The following ELAC2 variants were observed in gnomAD, a reference collection of about 807,000 sequenced individuals.
The protein encoded by ELAC2 is zinc phosphodiesterase ELAC protein 2.
Under a neutral mutation model 105.2 loss-of-function variants are expected in ELAC2, and 92 were observed. The ratio of observed to expected loss-of-function variants is 0.87; its 90% CI spans 0.74 to 1.04. The LOEUF (loss-of-function observed/expected upper bound fraction) is 1.04, where lower values mean the gene tolerates loss of function less well. ELAC2 is among the 50% of genes least tolerant of loss of function. ELAC2 has a pLI of 0.00. For synonymous variants in ELAC2, 468 were observed against 409.1 expected, an observed-to-expected ratio of 1.14 and a Z score of -1.74; for missense variants, 1,099 against 1,071.7, an observed-to-expected ratio of 1.03 and a Z score of -0.36.
chr17:12,999,916 C>T (rs995836644), intron 15 of ELAC2, among the ~76,000 whole-genome samples: 1 of 152,228 alleles, frequency 6.6e-6, no homozygotes, highest in Non-Finnish European at 1.5e-5. Flanking sequence ...CTCGGCCTCC[C>T]GAAGTGCTGG....
chr17:13,011,660 T>C lies in ELAC2; in HGVS notation c.679+3A>G. ...TGCTGCTCTGTTTTGTTTATACTAT[T>C]ACCATGTGGAAGGTGTGGCTCATTT... On this transcript the variant is annotated splice_donor_region_variant and intron_variant, in intron 7 of 23. Transcript: ENST00000338034. 6.2e-7 allele frequency: 1 copy of C among 1,614,214 alleles called. No individual in the cohort carries two copies. Among genetic ancestry groups the C allele is most frequent in the Non-Finnish European group, 8.5e-7 (1 of 1,180,036 alleles).
In ELAC2 at chr17:13,000,256, G is replaced by T; in HGVS notation, c.1323C>A (p.Cys441Ter). 1 of 1,614,080 alleles carries T rather than the reference G, an allele frequency of 6.2e-7. No individual in the cohort carries two copies. The highest frequency in any genetic ancestry group is 8.5e-7 in the Non-Finnish European group (1 of 1,180,022). ...REWQRDAIIT[C>*]NPEEFIVEAL... ...CCTCAACTATGAATTCCTCAGGATT[G>T]CAAGTAATAATGGCATCCCTGCAGG... The change falls in exon 15 of 24, where the codon TGC (cysteine) becomes TGA (stop). Residue 441 changes from cysteine (C) to a stop codon, truncating the protein, a stop_gained. Transcript: ENST00000338034. LOFTEE classifies it high-confidence loss of function.
intron 14 of ELAC2, 179 bp from the exon 15 acceptor site, chr17:13,000,453 T>G: frequency 1.5e-6 from 1 of 660,870 alleles, no homozygotes; most frequent in Non-Finnish European, 2.7e-6. Context: ...TTTTGGATGC[T>G]GCATCGCTCT....
At chr17:13,015,872 A>G in intron 3 of ELAC2, 40 bp from the exon 4 acceptor site, 2 of 1,507,384 alleles carry the variant, frequency 1.3e-6, no homozygotes, top group Non-Finnish European at 9.2e-7. Flanking sequence ...CATCAATTTG[A>G]CCTGTCGTCA....
At chr17:13,005,127 C>A (rs767882814) in intron 10 of ELAC2, 26 bp from the exon 11 acceptor site, 5 of 1,532,972 alleles carry the variant, frequency 3.3e-6, no homozygotes, top group Non-Finnish European at 4.5e-6. Flanking sequence ...AGCCCGCCCA[C>A]TGGGGGTCAC....
intron 19 of ELAC2, 53 bp downstream of exon 19, chr17:12,995,647 TGAA>T (rs2040430365): frequency 1.2e-5 from 19 of 1,530,870 alleles, no homozygotes; most frequent in African/African-American, 2.7e-5. Flanking sequence ...CTTGAGCTTC[TGAA>T]GGAGACGGCA....
chr17:13,011,689 T>C lies in ELAC2; in HGVS notation c.653A>G (p.Asn218Ser), dbSNP rs1056024978. ...ATGTGGAAGGTGTGGCTCATTTTCA[T>C]TCGACTCGGAGTCTGAAGATCGCTC... ...SPERSSDSES[N>S]ENEPHLPHGV... Residue 218 changes from asparagine to serine, a missense_variant, in exon 7 of 24, where the codon AAT (asparagine) becomes AGT (serine). Transcript: ENST00000338034. The C allele has an allele frequency of 6.2e-7, 1 of 1,614,188 alleles. No individual in the cohort carries two copies. Among genetic ancestry groups the C allele is most frequent in the Non-Finnish European group, 8.5e-7 (1 of 1,180,030 alleles).
rs1320446307 is a variant in ELAC2 at position 13,013,212 on chromosome 17, A to T, written c.554T>A (p.Ile185Lys). 6.2e-7 allele frequency: 1 copy of T among 1,614,174 alleles called. No homozygotes were observed. The highest frequency in any genetic ancestry group is 8.5e-7 in the Non-Finnish European group (1 of 1,180,026). ...AACCTGGCTTTCATACTCACTGTGT[A>T]TGGGGATCTGGTAAACTGTCATGGT... ...DETMTVYQIP[I>K]HSEQRRGKHQ... is the part of the protein sequence containing the mutation. Residue 185 changes from isoleucine to lysine, a missense_variant, in exon 6 of 24, where the codon ATA becomes AAA. By Grantham distance (102) the Ile-to-Lys change is moderately radical. Coordinates refer to ENST00000338034, the MANE Select transcript of ELAC2 (RefSeq NM_018127.7).
intron 8 of ELAC2, among the ~76,000 whole-genome samples, chr17:13,009,608 T>C (rs1275827539): frequency 6.6e-6 from 1 of 152,232 alleles, no homozygotes; most frequent in Admixed American, 6.5e-5. Flanking sequence ...TAAAAGACTT[T>C]GAATAAAGGC....
At chr17:12,996,038 G>A (rs2040452020) in intron 17 of ELAC2, 60 bp from the exon 18 acceptor site, 1 of 1,541,688 alleles carries the variant, frequency 6.5e-7, no homozygotes, top group Non-Finnish European at 8.8e-7. Flanking sequence ...CTCCGGGTTA[G>A]GGTCTGCAGC....
chr17:13,000,213 A>G lies in ELAC2; in HGVS notation c.1366T>C (p.Phe456Leu). The change falls in exon 15 of 24, where the codon TTC becomes CTC. Residue 456 changes from phenylalanine (F) to leucine (L), a missense_variant. Phe to Leu is a conservative substitution (Grantham distance 22). Coordinates refer to ENST00000338034, the MANE Select transcript of ELAC2 (RefSeq NM_018127.7). ...FIVEALQLPN[F>L]QQSVQEYRRS... ...CTGTACTCCTGCACGCTCTGCTGGA[A>G]GTTGGGAAGCTGCAGCGCCTCAACT... The G allele has an allele frequency of 6.2e-7, 1 of 1,614,126 alleles. No individual in the cohort carries two copies. Among genetic ancestry groups the G allele is most frequent in the Middle Eastern group, 1.7e-4 (1 of 6,016 alleles).
At chr17:13,008,383 G>A (rs1205840170) in intron 8 of ELAC2, among the ~76,000 whole-genome samples, 1 of 151,754 alleles carries the variant, frequency 6.6e-6, no homozygotes, top group Non-Finnish European at 1.5e-5. Context: ...ATGGTGGTGC[G>A]CTCCTGTAGT....
rs1459316797 is a variant in ELAC2 at position 12,991,717 on chromosome 17, GC to G, written c.*1100del. On this transcript the variant is annotated 3_prime_UTR_variant, in exon 24 of 24. Coordinates refer to ENST00000338034, the MANE Select transcript of ELAC2 (RefSeq NM_018127.7). ...AATCTCAAATGCACACCGGGATGGAGCCTGAAGGTCACCACCTGTGTAAAGC... is the reference window on the plus strand; with the variant it reads ...AATCTCAAATGCACACCGGGATGGAGCTGAAGGTCACCACCTGTGTAAAGC... 2.8e-5 allele frequency: 6 copies of G among 211,362 alleles called. No individual in the cohort carries two copies. The highest frequency in any genetic ancestry group is 1.4e-4 in the African/African-American group (6 of 44,068). 13.1% of individuals were successfully genotyped at this position (211,362 alleles called of 1,614,324 possible). A position where few individuals can be genotyped will look rare whatever the true frequency, so the allele number is the denominator to read the frequency against.
chr17:13,007,830 A>T (rs2041194916), intron 8 of ELAC2, among the ~76,000 whole-genome samples: 1 of 152,110 alleles, frequency 6.6e-6, no homozygotes, highest in Non-Finnish European at 1.5e-5. Flanking sequence ...GTGAGCTAAG[A>T]TTGCGCCACC....
chr17:13,014,538 T>C, intron 4 of ELAC2, 42 bp from the exon 5 acceptor site: 2 of 1,408,246 alleles, frequency 1.4e-6, no homozygotes, highest in African/African-American at 1.4e-5. Context: ...GTTGAACAAA[T>C]GTAGAACACA....
intron 8 of ELAC2, among the ~76,000 whole-genome samples, chr17:13,008,354 A>G (rs2041224446): frequency 6.6e-6 from 1 of 151,998 alleles, no homozygotes; most frequent in Admixed American, 6.5e-5. Flanking sequence ...TACTAAAAAA[A>G]TACAAAAATT....
chr17:13,013,836 C>T (rs1332178353), intron 5 of ELAC2, among the ~76,000 whole-genome samples: 1 of 152,088 alleles, frequency 6.6e-6, no homozygotes, highest in African/African-American at 2.4e-5. Context: ...CACCCCCGCC[C>T]CCAACTCAAA....
At chr17:13,010,567 G>A (rs753387180) in intron 8 of ELAC2, 46 bp downstream of exon 8, 3 of 1,584,192 alleles carry the variant, frequency 1.9e-6, no homozygotes, top group Non-Finnish European at 2.6e-6. Context: ...AGAGGTCGCT[G>A]ACCAAGACCC....
rs1411943336 is a variant in ELAC2 at position 12,994,480 on chromosome 17, G to T, written c.2053C>A (p.His685Asn). The T allele has an allele frequency of 1.9e-6, 3 of 1,614,056 alleles. No homozygotes were observed. Among genetic ancestry groups the T allele is most frequent in the Non-Finnish European group, 2.5e-6 (3 of 1,180,048 alleles). The change falls in exon 22 of 24, where the codon CAT (histidine) becomes AAT (asparagine). Residue 685 changes from histidine (H) to asparagine (N), a missense_variant. Physicochemically the swap from His to Asn is moderately conservative, Grantham distance 68 (BLOSUM62 1). Transcript: ENST00000338034. ...RMGKDATLLI[H>N]EATLEDGLEE... ...AAACCATCTTCCAGGGTGGCTTCAT[G>T]TATCAGGAGGGTGGCATCTTTCCCT...
Sources: gnomAD v4.1 joint callset for allele counts (sites outside exome capture counted in the v4.1 genomes callset) on GRCh38, gnomAD v4.1.1 for gene constraint, MANE v1.5 for transcripts, NCBI Gene and HGNC (gene_info 2026-07-23, HGNC 2026-07-21) for gene names.